The following GALNT13 variants were observed in gnomAD, a reference collection of about 807,000 sequenced individuals.
GALNT13 encodes the protein polypeptide N-acetylgalactosaminyltransferase 13.
Under a neutral mutation model 64.2 loss-of-function variants are expected in GALNT13, and 28 were observed. The ratio of observed to expected loss-of-function variants is 0.44; its 90% confidence interval spans 0.32 to 0.60. The LOEUF is 0.60. GALNT13 is among the 20% of genes least tolerant of loss of function. The pLI, the probability that GALNT13 is intolerant of heterozygous loss-of-function variation, is 0.05. For synonymous variants in GALNT13, 214 were observed against 224.6 expected, an observed-to-expected ratio of 0.95 and a Z score of 0.42; for missense variants, 577 against 669.8, an observed-to-expected ratio of 0.86 and a Z score of 1.53.
intron 4 of GALNT13, among the ~76,000 whole-genome samples, chr2:154,232,573 C>A (rs959190245): frequency 1.3e-5 from 2 of 152,164 alleles, no homozygotes; most frequent in Admixed American, 6.5e-5. Context: ...GGTGATATAA[C>A]TACCATTGTT....
At chr2:153,587,121 C>T in the GALNT13 span, among the ~76,000 whole-genome samples, 2 of 151,498 alleles carry the variant, frequency 1.3e-5, no homozygotes, top group Admixed American at 6.6e-5. Context: ...GTAATCCCAG[C>T]TACTCCGGAG....
chr2:154,333,913 T>C (rs1269310836), intron 9 of GALNT13, among the ~76,000 whole-genome samples: 1 of 152,074 alleles, frequency 6.6e-6, no homozygotes, highest in Non-Finnish European at 1.5e-5. Context: ...GTGTCTTTGC[T>C]TGGATACTAA....
chr2:153,525,881 T>C, the GALNT13 span, among the ~76,000 whole-genome samples: 1 of 152,172 alleles, frequency 6.6e-6, no homozygotes. Flanking sequence ...TGAGGAGCCC[T>C]TGGGCCTTAA....
intron 3 of GALNT13, among the ~76,000 whole-genome samples, chr2:153,985,903 G>A (rs1411309088): frequency 6.6e-6 from 1 of 152,052 alleles, no homozygotes; most frequent in Non-Finnish European, 1.5e-5. Context: ...GCTGTATTTA[G>A]TTTCCTTGGT....
the GALNT13 span, among the ~76,000 whole-genome samples, chr2:153,236,512 C>T: frequency 6.6e-6 from 1 of 152,004 alleles, no homozygotes; most frequent in African/African-American, 2.4e-5. Flanking sequence ...TTTACCATTC[C>T]CCAAATCCGA....
At chr2:154,428,623 G>A (rs2105442331) in intron 11 of GALNT13, among the ~76,000 whole-genome samples, 1 of 152,206 alleles carries the variant, frequency 6.6e-6, no homozygotes, top group East Asian at 1.9e-4. Flanking sequence ...CAAATTGAAT[G>A]TTTGTGACAA....
chr2:154,232,888 A>G (rs2105849666), intron 4 of GALNT13, among the ~76,000 whole-genome samples: 1 of 151,656 alleles, frequency 6.6e-6, no homozygotes, highest in East Asian at 1.9e-4. Context: ...AAAAAATTAC[A>G]AAAATAAGTC....
upstream of GALNT13, among the ~76,000 whole-genome samples, chr2:153,870,950 T>C (rs1685885489): frequency 6.6e-6 from 1 of 151,988 alleles, no homozygotes; most frequent in African/African-American, 2.4e-5. Flanking sequence ...AGTGAATAAA[T>C]TGCCAAGCAG....
the GALNT13 span, among the ~76,000 whole-genome samples, chr2:153,665,636 G>A: frequency 6.6e-6 from 1 of 152,154 alleles, no homozygotes. Flanking sequence ...ACAAATGGAT[G>A]ACCAGACTCT....
the GALNT13 span, among the ~76,000 whole-genome samples, chr2:153,504,153 G>A: frequency 1.3e-5 from 2 of 152,110 alleles, no homozygotes; most frequent in Admixed American, 1.3e-4. Context: ...TATTGTAAAA[G>A]GGGGTTGAGT....
intron 3 of GALNT13, among the ~76,000 whole-genome samples, chr2:154,100,749 G>A (rs1702302969): frequency 6.6e-6 from 1 of 152,080 alleles, no homozygotes; most frequent in Admixed American, 6.6e-5. Flanking sequence ...TGTTGAATAG[G>A]AGAGGTGAAA....
At chr2:153,736,600 C>T in the GALNT13 span, among the ~76,000 whole-genome samples, 2 of 152,074 alleles carry the variant, frequency 1.3e-5, no homozygotes, top group Admixed American at 6.6e-5. Flanking sequence ...TCCACATTTT[C>T]GTACGTATTT....
At chr2:153,931,356 C>G (rs775890640) in intron 2 of GALNT13, among the ~76,000 whole-genome samples, 1 of 151,676 alleles carries the variant, frequency 6.6e-6, no homozygotes, top group Non-Finnish European at 1.5e-5. Context: ...CGCTTGATTA[C>G]TCTCACTATG....
chr2:154,215,797 A>G (rs896117407), intron 4 of GALNT13, among the ~76,000 whole-genome samples: 1 of 152,130 alleles, frequency 6.6e-6, no homozygotes, highest in African/African-American at 2.4e-5. Context: ...GAGCAAATGA[A>G]TAACAATCTT....
At chr2:153,693,408 A>G in the GALNT13 span, among the ~76,000 whole-genome samples, 1 of 152,166 alleles carries the variant, frequency 6.6e-6, no homozygotes, top group Non-Finnish European at 1.5e-5. Context: ...TCATAAAATT[A>G]GGTGTATATA....
In GALNT13 at chr2:154,438,717, T is replaced by C. The variant is rs116616790; in HGVS notation, c.1521T>C (p.Tyr507=). The C allele has an allele frequency of 3.6e-4, 587 of 1,608,552 alleles. No individual in the cohort carries two copies. The highest frequency in any genetic ancestry group is 4.6e-4 in the Non-Finnish European group (546 of 1,175,668). Residue 507 remains tyrosine (Y), a synonymous_variant, in exon 12 of 13, where the codon TAT becomes TAC. Coordinates refer to ENST00000392825, the MANE Select transcript of GALNT13 (RefSeq NM_052917.4). ...HHMRGNQLWE[Y]DAERLTLRHV... ...TGAGAGGAAATCAGTTATGGGAATA[T>C]GATGCTGAGGTATAGTATTTTCTTA...
chr2:153,454,261 G>A, the GALNT13 span, among the ~76,000 whole-genome samples: 1 of 152,168 alleles, frequency 6.6e-6, no homozygotes, highest in African/African-American at 2.4e-5. Context: ...AATGAAAGTT[G>A]AAATTATGTA....
the GALNT13 span, among the ~76,000 whole-genome samples, chr2:153,737,938 A>T: frequency 9.2e-5 from 14 of 152,198 alleles, no homozygotes; most frequent in African/African-American, 3.4e-4. Flanking sequence ...TATTTAACAA[A>T]TATACCAAAC....
chr2:154,250,166 T>G (rs1018726963), intron 7 of GALNT13, among the ~76,000 whole-genome samples: 1 of 152,146 alleles, frequency 6.6e-6, no homozygotes, highest in Non-Finnish European at 1.5e-5. Flanking sequence ...GAGCAATGTC[T>G]TTGATATGAA....
Sources: allele counts gnomAD v4.1 joint callset (sites outside exome capture counted in the v4.1 genomes callset), GRCh38; gene constraint gnomAD v4.1.1; transcripts MANE v1.5; gene names NCBI Gene and HGNC (gene_info 2026-07-23, HGNC 2026-07-21).